Variants in ERGIC2 observed in about 807,000 individuals in gnomAD.
The protein encoded by ERGIC2 is ERGIC and golgi 2.
Under a neutral mutation model 52.5 loss-of-function variants are expected in ERGIC2, and 31 were observed. That is an observed-to-expected ratio of 0.59 (90% CI 0.44 to 0.80). The LOEUF (loss-of-function observed/expected upper bound fraction) is 0.80. Ranked by LOEUF, ERGIC2 falls within the 30% of genes least tolerant of loss-of-function variation. The pLI, the probability that ERGIC2 is intolerant of heterozygous loss-of-function variation, is 0.00. For missense variants in ERGIC2, 395 were observed against 455.2 expected, an observed-to-expected ratio of 0.87 and a Z score of 1.20; for synonymous variants, 129 against 140.6, an observed-to-expected ratio of 0.92 and a Z score of 0.58.
At chr12:29,371,278 A>T (rs1940436281) in intron 2 of ERGIC2, among the ~76,000 whole-genome samples, 1 of 152,236 alleles carries the variant, frequency 6.6e-6, no homozygotes, top group South Asian at 2.1e-4. Context: ...GCAGCAAAGC[A>T]GAAACATTGG....
chr12:29,363,404 T>C (rs1203491070), intron 5 of ERGIC2, among the ~76,000 whole-genome samples: 4 of 151,852 alleles, frequency 2.6e-5, no homozygotes, highest in Non-Finnish European at 5.9e-5. Context: ...TTAATAATTT[T>C]ATATTAAAAA....
chr12:29,347,017 C>T (rs1028232018), intron 10 of ERGIC2, among the ~76,000 whole-genome samples: 6 of 152,062 alleles, frequency 3.9e-5, no homozygotes, highest in African/African-American at 1.2e-4. Context: ...TGAACCCAGG[C>T]GGTTCCACTC....
At chr12:29,352,109 A>C (rs1940140634) in intron 8 of ERGIC2, among the ~76,000 whole-genome samples, 2 of 152,168 alleles carry the variant, frequency 1.3e-5, no homozygotes, top group South Asian at 4.1e-4. Context: ...AGGAATACAC[A>C]CAGCACTTTT....
rs2136845653 is a variant in ERGIC2 at position 29,341,127 on chromosome 12, A to G, written c.*29T>C. ...AAAAAAAGGTTTTATGTCTCAGGCA[A>G]AAAGTTTTTCTCCTTCAATCGGGAG... On this transcript the variant is annotated 3_prime_UTR_variant, in exon 14 of 14. Coordinates refer to ENST00000360150, the MANE Select transcript of ERGIC2 (RefSeq NM_016570.3). The G allele has an allele frequency of 6.4e-7, 1 of 1,552,216 alleles. No individual in the cohort carries two copies. Among genetic ancestry groups the G allele is most frequent in the East Asian group, 2.3e-5 (1 of 43,340 alleles).
intron 1 of ERGIC2, among the ~76,000 whole-genome samples, chr12:29,377,607 T>C (rs901326655): frequency 2.0e-5 from 3 of 152,240 alleles, no homozygotes; most frequent in African/African-American, 7.2e-5. Context: ...ATTTTCAATC[T>C]GCAACTGGTT....
At position 29,350,446 on chromosome 12, in the gene ERGIC2, T is replaced by C. The variant is rs542772387; in HGVS notation, c.573-378A>G. ...TGCAGGGAGATTACACTTTGTTTAA[T>C]TGGGGTTTGGAATGTTCCCTATTTT... is the stretch of plus-strand genomic sequence containing the variant. On this transcript the variant is annotated intron_variant, in intron 8 of 13. Transcript: ENST00000360150. Among the ~76,000 whole-genome samples the C allele has an allele frequency of 1.4e-4, 22 of 152,190 alleles. No homozygotes were observed. In the South Asian group the frequency reaches 2.1e-3, roughly 14 times the overall value.
Position 29,368,016 on chromosome 12 carries a change from T to G in ERGIC2, c.262+225A>C, listed in dbSNP as rs1940388865. 2.0e-5 allele frequency among the ~76,000 whole-genome samples: 3 copies of G among 151,948 alleles called. 1 individual carries two copies. In the East Asian group the frequency reaches 5.8e-4, roughly 29 times the overall value. On this transcript the variant is annotated intron_variant, in intron 4 of 13. Transcript: ENST00000360150. ...TCACAAACATTTCCTCCAACTTTCT[T>G]TTAATTATACTAATGTGAAAGTTTT...
In ERGIC2 at chr12:29,345,444, CT is replaced by C; in HGVS notation, c.823del (p.Arg275GlyfsTer19). ...ADTHQFSVTERERIINHAAGS... is the reference protein window; with the variant it reads ...ADTHQFSVTEXERIINHAAGS... ...TTTTACCGGTTGGATTCAACTTACC[CT>C]TTCTGTCACAGAAAACTGATGGGTG... On this transcript the variant is annotated frameshift_variant and splice_region_variant, in exon 11 of 14. Transcript: ENST00000360150. LOFTEE classifies it high-confidence loss of function. 6.5e-7 allele frequency: 1 copy of C among 1,538,026 alleles called. No individual in the cohort carries two copies. The highest frequency in any genetic ancestry group is 9.0e-7 in the Non-Finnish European group (1 of 1,115,746).
chr12:29,373,753 A>C (rs1366108250), intron 1 of ERGIC2, among the ~76,000 whole-genome samples: 1 of 152,130 alleles, frequency 6.6e-6, no homozygotes, highest in Non-Finnish European at 1.5e-5. Flanking sequence ...TTTTTTTCCC[A>C]TGCACTTAGT....
intron 8 of ERGIC2, among the ~76,000 whole-genome samples, chr12:29,351,727 C>T (rs1591990430): frequency 6.6e-6 from 1 of 152,188 alleles, no homozygotes; most frequent in East Asian, 1.9e-4. Context: ...GCTTCACAGA[C>T]TTATCAATAC....
chr12:29,358,627 G>C (rs1473002429), intron 6 of ERGIC2, among the ~76,000 whole-genome samples: 1 of 151,924 alleles, frequency 6.6e-6, no homozygotes, highest in African/African-American at 2.4e-5. Context: ...TAGCGGGACG[G>C]GTATATAGGA....
chr12:29,380,213 A>G (rs1940568712), intron 1 of ERGIC2, among the ~76,000 whole-genome samples: 1 of 152,202 alleles, frequency 6.6e-6, no homozygotes, highest in Admixed American at 6.5e-5. Flanking sequence ...GTAAATAACC[A>G]TGTCTTTTTT....
Position 29,350,057 on chromosome 12 carries a change from T to A in ERGIC2, c.584A>T (p.His195Leu), listed in dbSNP as rs1323322138. 1 of 1,603,312 alleles carries A rather than the reference T, an allele frequency of 6.2e-7. No individual in the cohort carries two copies. Among genetic ancestry groups the A allele is most frequent in the Non-Finnish European group, 8.5e-7 (1 of 1,171,314 alleles). Residue 195 changes from histidine (H) to leucine (L), a missense_variant, in exon 9 of 14, where the codon CAT (histidine) becomes CTT (leucine). Transcript: ENST00000360150. ...TGCCAAATGTGCATGACCACGAGGA[T>A]GTGGAATTGCCCTGAAAGGAGAAAA... is the stretch of plus-strand genomic sequence containing the variant. ...FHITVGKAIP[H>L]PRGHAHLAAL...
At chr12:29,360,860 T>G (rs34526565) in intron 6 of ERGIC2, among the ~76,000 whole-genome samples, 268 of 151,820 alleles carry the variant, frequency 1.8e-3, no homozygotes, top group Non-Finnish European at 2.6e-3. Context: ...TAAGAAGAAT[T>G]ATCTTGGGCC....
chr12:29,354,502 T>C (rs953442403), intron 8 of ERGIC2, among the ~76,000 whole-genome samples: 1 of 152,214 alleles, frequency 6.6e-6, no homozygotes, highest in Admixed American at 6.5e-5. Flanking sequence ...ACATATTGTG[T>C]TACAAATTAT....
intron 6 of ERGIC2, among the ~76,000 whole-genome samples, chr12:29,360,179 T>C (rs1274877917): frequency 3.3e-5 from 5 of 152,082 alleles, no homozygotes; most frequent in Non-Finnish European, 7.4e-5. Context: ...TGGGAGGATA[T>C]AGGCACTATC....
intron 1 of ERGIC2, among the ~76,000 whole-genome samples, chr12:29,379,607 G>T (rs1378922563): frequency 3.3e-5 from 5 of 152,160 alleles, no homozygotes; most frequent in Non-Finnish European, 7.4e-5. Flanking sequence ...AACATGCATT[G>T]AGTGTTTACT....
In ERGIC2 at chr12:29,356,426, T is replaced by G; in HGVS notation, c.528A>C (p.Leu176=). Residue 176 remains leucine, a synonymous_variant, in exon 8 of 14, where the codon CTA becomes CTC. Transcript: ENST00000360150. ...AATTCCCTGCTACTTTATTGACATA[T>G]AGATGGCCATGAATTCTGCATGCAT... ...SPNACRIHGH[L]YVNKVAGNFH... The G allele has an allele frequency of 6.2e-7, 1 of 1,604,226 alleles. No individual in the cohort carries two copies. Among genetic ancestry groups the G allele is most frequent in the Non-Finnish European group, 8.5e-7 (1 of 1,171,110 alleles).
chr12:29,343,044 T>C lies in ERGIC2; in HGVS notation c.988+76A>G, dbSNP rs977171764. ...CGAAACATGAAAATCTGTATACTTC[T>C]TGCCCCTTTGAGAAGAAGCAACTTA... On this transcript the variant is annotated intron_variant, in intron 12 of 13. Coordinates refer to ENST00000360150, the MANE Select transcript of ERGIC2 (RefSeq NM_016570.3). 1.1e-5 allele frequency: 14 copies of C among 1,258,316 alleles called. 1 individual carries two copies. Among genetic ancestry groups the C allele is most frequent in the South Asian group, 4.8e-5 (3 of 62,402 alleles). 77.9% of individuals were successfully genotyped at this position (1,258,316 alleles called of 1,614,324 possible). A position where few individuals can be genotyped will look rare whatever the true frequency, so the allele number is the denominator to read the frequency against.
Sources: allele counts gnomAD v4.1 joint callset (sites outside exome capture counted in the v4.1 genomes callset), GRCh38; gene constraint gnomAD v4.1.1; transcripts MANE v1.5; gene names NCBI Gene and HGNC (gene_info 2026-07-23, HGNC 2026-07-21).